Variants in MEGF6 observed in about 807,000 individuals in gnomAD.
The protein encoded by MEGF6 is multiple EGF like domains 6, also known as multiple epidermal growth factor-like domains protein 6.
MEGF6 carries 184 observed loss-of-function variants against 207.1 expected under a neutral mutation model. That is an observed-to-expected ratio of 0.89 (90% CI 0.79 to 1.00). MEGF6 has a LOEUF of 1.00. MEGF6 is among the 50% of genes least tolerant of loss of function. MEGF6 has a pLI of 0.00. For synonymous variants in MEGF6, 1,038 were observed against 910.0 expected (o/e 1.14, Z -2.53); for missense variants, 2,282 against 2,202.9 (o/e 1.04, Z -0.72).
chr1:3,523,534 T>A (rs1187000749), intron 5 of MEGF6, among the ~76,000 whole-genome samples: 1 of 152,130 alleles, frequency 6.6e-6, no homozygotes, highest in Non-Finnish European at 1.5e-5. Flanking sequence ...AGGGTCCCGC[T>A]TCTTCGTCAC....
intron 5 of MEGF6, among the ~76,000 whole-genome samples, chr1:3,517,982 T>C (rs1207031150): frequency 6.6e-6 from 1 of 152,232 alleles, no homozygotes; most frequent in Non-Finnish European, 1.5e-5. Context: ...GCTTCCGCAA[T>C]CCGGCCCGAC....
At chr1:3,586,811 G>A (rs527924646) in intron 3 of MEGF6, among the ~76,000 whole-genome samples, 1 of 152,214 alleles carries the variant, frequency 6.6e-6, no homozygotes, top group Non-Finnish European at 1.5e-5. Flanking sequence ...TGACCCAGGA[G>A]GGGAGGGAGA....
In MEGF6 at chr1:3,509,345, C is replaced by T. The variant is rs369556167; in HGVS notation, c.1358-100G>A. The T allele has an allele frequency of 2.0e-3, 2,128 of 1,068,948 alleles. 10 individuals are homozygous for T. The highest frequency in any genetic ancestry group is 9.7e-3 in the Middle Eastern group (30 of 3,080). 66.2% of individuals were successfully genotyped at this position (1,068,948 alleles called of 1,614,324 possible). On this transcript the variant is annotated intron_variant, in intron 11 of 36. Coordinates refer to ENST00000356575, the MANE Select transcript of MEGF6 (RefSeq NM_001409.4). Reference sequence around the variant, plus strand: ...TGGGCCTAAGCCCCACCCCAGGGAACCCCACCACCCTCCTACTGCCTCCAC... The same window carrying T: ...TGGGCCTAAGCCCCACCCCAGGGAATCCCACCACCCTCCTACTGCCTCCAC...
chr1:3,559,522 TAAAAAAAA>T (rs59799522), intron 4 of MEGF6, among the ~76,000 whole-genome samples: 1 of 105,530 alleles, frequency 9.5e-6, no homozygotes, highest in African/African-American at 3.4e-5. Context: ...CCTTGTCTCT[TAAAAAAAA>T]AAAAAAAAAA....
chr1:3,529,752 G>A (rs576957264), intron 4 of MEGF6, among the ~76,000 whole-genome samples: 1 of 152,336 alleles, frequency 6.6e-6, no homozygotes, highest in African/African-American at 2.4e-5. Flanking sequence ...TCCCAGCCCA[G>A]GACTACACAG....
At chr1:3,557,774 CA>C (rs1403025453) in intron 4 of MEGF6, among the ~76,000 whole-genome samples, 1 of 152,250 alleles carries the variant, frequency 6.6e-6, no homozygotes, top group Admixed American at 6.5e-5. Flanking sequence ...AAGGGCATAT[CA>C]GGGAAGGCCT....
chr1:3,611,023 G>T, intron 1 of MEGF6, 115 bp downstream of exon 1: 1 of 1,278,000 alleles, frequency 7.8e-7, no homozygotes, highest in Admixed American at 3.9e-5. Context: ...AACGCAAACA[G>T]CCCATTGTTC....
chr1:3,567,147 A>AC (rs1357909945), intron 4 of MEGF6, among the ~76,000 whole-genome samples: 1 of 152,194 alleles, frequency 6.6e-6, no homozygotes, highest in East Asian at 1.9e-4. Context: ...CGCCTCACCT[A>AC]CCCTGCCAGA....
chr1:3,524,741 G>A (rs567365957), intron 4 of MEGF6, among the ~76,000 whole-genome samples: 1 of 152,296 alleles, frequency 6.6e-6, no homozygotes, highest in South Asian at 2.1e-4. Context: ...TGGCCATCTG[G>A]AGCCTTCCAG....
chr1:3,519,758 C>T (rs904074030), intron 5 of MEGF6, among the ~76,000 whole-genome samples: 10 of 152,178 alleles, frequency 6.6e-5, no homozygotes, highest in African/African-American at 2.4e-4. Flanking sequence ...GCCTCCCCTC[C>T]CGGGCCGGGC....
intron 2 of MEGF6, among the ~76,000 whole-genome samples, chr1:3,597,702 C>T (rs1314272867): frequency 6.6e-6 from 1 of 152,202 alleles, no homozygotes; most frequent in Non-Finnish European, 1.5e-5. Flanking sequence ...CCCAGACAGC[C>T]GGCAGCAGAA....
intron 4 of MEGF6, among the ~76,000 whole-genome samples, chr1:3,544,854 A>C (rs1642651308): frequency 6.6e-6 from 1 of 152,116 alleles, no homozygotes; most frequent in African/African-American, 2.4e-5. Flanking sequence ...AGAGGAGCCC[A>C]TCTGGAGCTG....
At chr1:3,511,242 T>C (rs1389331026) in intron 9 of MEGF6, among the ~76,000 whole-genome samples, 1 of 152,132 alleles carries the variant, frequency 6.6e-6, no homozygotes, top group Non-Finnish European at 1.5e-5. Flanking sequence ...GTCTGGGGTG[T>C]GACTTCCAGG....
chr1:3,508,018 G>T, intron 13 of MEGF6, 95 bp from the exon 14 acceptor site: 1 of 1,419,188 alleles, frequency 7.0e-7, no homozygotes, highest in Non-Finnish European at 9.5e-7. Flanking sequence ...AGAAGCAGTT[G>T]CCTAGAGATA....
At position 3,500,538 on chromosome 1, in the gene MEGF6, G is replaced by A. The variant is rs979539816; in HGVS notation, c.2707+95C>T. 10 of 1,443,298 alleles carry A rather than the reference G, an allele frequency of 6.9e-6. No individual in the cohort carries two copies. In the African/African-American group the frequency reaches 7.1e-5, roughly 10 times the overall value. The allele number at this position is 1,443,298 out of a possible 1,614,324, so 89.4% of individuals were successfully genotyped here. A position where few individuals can be genotyped will look rare whatever the true frequency, so the allele number is the denominator to read the frequency against. On this transcript the variant is annotated intron_variant, in intron 21 of 36. Coordinates refer to ENST00000356575, the MANE Select transcript of MEGF6 (RefSeq NM_001409.4). ...GCTTCGTGTGTGTGCGTGCAGGAGG[G>A]AGTACGGTCAAAGGCTTTGTGTGTG...
At chr1:3,610,719 G>A (rs1471896333) in intron 1 of MEGF6, among the ~76,000 whole-genome samples, 1 of 152,220 alleles carries the variant, frequency 6.6e-6, no homozygotes, top group African/African-American at 2.4e-5. Context: ...GGCACTGCTC[G>A]CCCCTGCGAA....
upstream of MEGF6, chr1:3,611,512 C>G (rs1398878635): frequency 2.3e-6 from 1 of 444,238 alleles, no homozygotes; most frequent in Non-Finnish European, 3.7e-6. Flanking sequence ...GCACAGTGCC[C>G]CGGACTCAGA....
rs201723836 is a variant in MEGF6 at position 3,510,793 on chromosome 1, G to A, written c.1224C>T (p.Cys408=). The part of the protein sequence containing the change: ...YAGYRLSADG[C]GCEDVDECAS... ...CAGGGCAGTGCTCACCCTCACAGCCGCAGCCATCGGCACTGAGCCGGTAGC... is the reference window on the plus strand; with the variant it reads ...CAGGGCAGTGCTCACCCTCACAGCCACAGCCATCGGCACTGAGCCGGTAGC... Residue 408 remains cysteine (C), a synonymous_variant, in exon 10 of 37, where the codon TGC becomes TGT. Transcript: ENST00000356575. 4.5e-5 allele frequency: 72 copies of A among 1,603,490 alleles called. No individual in the cohort carries two copies. The highest frequency in any genetic ancestry group is 1.8e-4 in the South Asian group (16 of 90,518).
chr1:3,580,423 G>GGGA (rs1373885326), intron 3 of MEGF6, among the ~76,000 whole-genome samples: 4 of 152,342 alleles, frequency 2.6e-5, no homozygotes, highest in African/African-American at 9.6e-5. Flanking sequence ...CCCCAGGGAG[G>GGGA]GGAGGAGGAA....
Sources: gnomAD v4.1 joint callset for allele counts (sites outside exome capture counted in the v4.1 genomes callset) on GRCh38, gnomAD v4.1.1 for gene constraint, MANE v1.5 for transcripts, NCBI Gene and HGNC (gene_info 2026-07-23, HGNC 2026-07-21) for gene names.